Variants in ZMAT4 observed in about 807,000 individuals in gnomAD.
ZMAT4 encodes the protein zinc finger matrin-type protein 4.
A neutral mutation model predicts 28.7 loss-of-function variants in ZMAT4; 17 were observed. The ratio of observed to expected loss-of-function variants is 0.59; its 90% CI spans 0.41 to 0.89. The LOEUF (loss-of-function observed/expected upper bound fraction) is 0.89, where lower values mean the gene tolerates loss of function less well. ZMAT4 is among the 40% of genes least tolerant of loss of function. ZMAT4 has a pLI of 0.00. For missense variants in ZMAT4, 240 were observed against 283.8 expected (o/e 0.85, Z 1.11); for synonymous variants, 117 against 109.2 (o/e 1.07, Z -0.44).
intron 1 of ZMAT4, among the ~76,000 whole-genome samples, chr8:40,856,513 G>A (rs551354756): frequency 6.2e-4 from 94 of 152,292 alleles, no homozygotes; most frequent in Admixed American, 2.2e-3. Context: ...AAAGTAGCTT[G>A]AGGCCATAAT....
chr8:40,592,327 T>C (rs530581370), intron 5 of ZMAT4, among the ~76,000 whole-genome samples: 1 of 152,278 alleles, frequency 6.6e-6, no homozygotes, highest in African/African-American at 2.4e-5. Context: ...CTCACCAATA[T>C]CAGGGTTTGA....
intron 1 of ZMAT4, among the ~76,000 whole-genome samples, chr8:40,827,256 T>A (rs1816095720): frequency 1.3e-5 from 2 of 152,152 alleles, no homozygotes; most frequent in African/African-American, 4.8e-5. Context: ...CCATGCCTTC[T>A]AAGAAAGTGA....
intron 6 of ZMAT4, among the ~76,000 whole-genome samples, chr8:40,563,695 T>C (rs1019828549): frequency 6.6e-6 from 1 of 152,204 alleles, no homozygotes; most frequent in Non-Finnish European, 1.5e-5. Flanking sequence ...TGCATGATTC[T>C]GCTTGACTTG....
intron 1 of ZMAT4, among the ~76,000 whole-genome samples, chr8:40,871,657 G>C (rs35754361): frequency 0.028 from 4,221 of 152,262 alleles, 90 homozygotes; most frequent in Non-Finnish European, 0.04. Context: ...AGTGAGTTTG[G>C]TCTTCCCAAG....
chr8:40,539,047 G>C (rs1029760694), intron 6 of ZMAT4, among the ~76,000 whole-genome samples: 6 of 152,076 alleles, frequency 3.9e-5, no homozygotes, highest in African/African-American at 1.4e-4. Context: ...GCCTCCCAAA[G>C]TGCTGGGATT....
intron 1 of ZMAT4, among the ~76,000 whole-genome samples, chr8:40,829,367 G>A (rs1816192676): frequency 6.6e-6 from 1 of 152,218 alleles, no homozygotes; most frequent in Non-Finnish European, 1.5e-5. Flanking sequence ...TGCAATGGAG[G>A]TAAGAGGCCT....
At chr8:40,789,678 A>G (rs951726054) in intron 2 of ZMAT4, among the ~76,000 whole-genome samples, 1 of 152,206 alleles carries the variant, frequency 6.6e-6, no homozygotes, top group Non-Finnish European at 1.5e-5. Context: ...TGTACCCCAT[A>G]AATATACATA....
chr8:40,544,716 GA>G (rs1039947171), intron 6 of ZMAT4, among the ~76,000 whole-genome samples: 1 of 151,588 alleles, frequency 6.6e-6, no homozygotes, highest in Non-Finnish European at 1.5e-5. Context: ...AGTGCAAAAT[GA>G]AAAAAAAGGT....
chr8:40,713,392 T>C (rs1312294775), intron 3 of ZMAT4, among the ~76,000 whole-genome samples: 1 of 152,016 alleles, frequency 6.6e-6, no homozygotes, highest in African/African-American at 2.4e-5. Flanking sequence ...CATATAAATG[T>C]TCTGTATATC....
chr8:40,633,562 C>G (rs2118734419), intron 5 of ZMAT4, among the ~76,000 whole-genome samples: 1 of 152,272 alleles, frequency 6.6e-6, no homozygotes, highest in Middle Eastern at 3.4e-3. Flanking sequence ...CGCTCCATGG[C>G]CATCTCAGAG....
At chr8:40,724,674 A>T (rs1279514276) in intron 3 of ZMAT4, among the ~76,000 whole-genome samples, 1 of 152,192 alleles carries the variant, frequency 6.6e-6, no homozygotes, top group Non-Finnish European at 1.5e-5. Context: ...AAGGGGAAGC[A>T]CAGAAGAGAC....
At chr8:40,613,132 C>G (rs1271138429) in intron 5 of ZMAT4, among the ~76,000 whole-genome samples, 1 of 149,762 alleles carries the variant, frequency 6.7e-6, no homozygotes, top group Non-Finnish European at 1.5e-5. Flanking sequence ...ATTCTCTAAA[C>G]TTGAAATCTT....
intron 3 of ZMAT4, among the ~76,000 whole-genome samples, chr8:40,737,895 G>A (rs1160366498): frequency 6.6e-6 from 1 of 152,006 alleles, no homozygotes; most frequent in Non-Finnish European, 1.5e-5. Flanking sequence ...TGAGCCTAGA[G>A]TCTGGTCCAC....
At chr8:40,800,418 T>C (rs1212926506) in intron 2 of ZMAT4, among the ~76,000 whole-genome samples, 1 of 152,122 alleles carries the variant, frequency 6.6e-6, no homozygotes, top group Non-Finnish European at 1.5e-5. Context: ...GACTATCTCA[T>C]CCAACAACAG....
intron 5 of ZMAT4, among the ~76,000 whole-genome samples, chr8:40,593,804 C>T (rs1006846957): frequency 1.3e-5 from 2 of 152,184 alleles, no homozygotes; most frequent in Admixed American, 1.3e-4. Flanking sequence ...CATTCACATA[C>T]AAGCCAGCTG....
intron 5 of ZMAT4, among the ~76,000 whole-genome samples, chr8:40,583,732 A>T (rs934748382): frequency 4.6e-5 from 7 of 152,162 alleles, no homozygotes; most frequent in African/African-American, 7.2e-5. Context: ...GGCATCAATC[A>T]ATATGTGTAA....
intron 5 of ZMAT4, 57 bp downstream of exon 5, chr8:40,674,647 C>A (rs949322167): frequency 7.3e-7 from 1 of 1,374,300 alleles, no homozygotes. Flanking sequence ...TTGTGAAAGC[C>A]GCATCTTTTC....
At chr8:40,655,664 G>T (rs1054787125) in intron 5 of ZMAT4, among the ~76,000 whole-genome samples, 2 of 151,966 alleles carry the variant, frequency 1.3e-5, no homozygotes, top group East Asian at 1.9e-4. Flanking sequence ...TACATTTATG[G>T]TCCATTGAGT....
intron 5 of ZMAT4, among the ~76,000 whole-genome samples, chr8:40,669,312 T>C (rs1272061283): frequency 2.0e-5 from 3 of 152,150 alleles, no homozygotes; most frequent in South Asian, 2.1e-4. Flanking sequence ...TGGGCCCTTA[T>C]ATGATACAGA....
Sources: gnomAD v4.1 joint callset for allele counts (sites outside exome capture counted in the v4.1 genomes callset) on GRCh38, gnomAD v4.1.1 for gene constraint, MANE v1.5 for transcripts, NCBI Gene and HGNC (gene_info 2026-07-23, HGNC 2026-07-21) for gene names.